The following PTPRM variants were observed in gnomAD, a reference collection of about 807,000 sequenced individuals.
PTPRM encodes receptor-type tyrosine-protein phosphatase mu.
PTPRM carries 47 observed loss-of-function variants against 186.7 expected under a neutral mutation model. The observed-to-expected ratio is 0.25, with a 90% CI of 0.20 to 0.32. PTPRM has a LOEUF of 0.32. Ranked by LOEUF, PTPRM falls within the 10% of genes least tolerant of loss-of-function variation. PTPRM has a pLI of 1.00. For synonymous variants in PTPRM, 668 were observed against 674.9 expected, an observed-to-expected ratio of 0.99 and a Z score of 0.16; for missense variants, 1,494 against 1,865.0, an observed-to-expected ratio of 0.80 and a Z score of 3.66.
chr18:7,737,875 G>A (rs887987250), intron 1 of PTPRM, among the ~76,000 whole-genome samples: 6 of 152,162 alleles, frequency 3.9e-5, no homozygotes, highest in Non-Finnish European at 7.3e-5. Flanking sequence ...CTGCTCATTG[G>A]CATATCCCAG....
chr18:8,385,772 G>A lies in PTPRM; in HGVS notation c.4044+1086G>A, dbSNP rs373963586. On this transcript the variant is annotated intron_variant, in intron 30 of 32. Transcript: ENST00000580170. The stretch of plus-strand genomic sequence containing the variant: ...GTTTTGAGTGCAAAAATCCAATGGT[G>A]TAATTTACATTTTAAAAGGAGCACT... Among the ~76,000 whole-genome samples, 39 of 152,346 alleles carry A rather than the reference G, an allele frequency of 2.6e-4. No individual in the cohort carries two copies. In the East Asian group the frequency reaches 3.7e-3, roughly 14 times the overall value.
chr18:7,763,199 C>T (rs2041859863), intron 1 of PTPRM, among the ~76,000 whole-genome samples: 1 of 152,180 alleles, frequency 6.6e-6, no homozygotes, highest in African/African-American at 2.4e-5. Context: ...GGATTTTGGA[C>T]ACACTTTAAT....
chr18:7,789,338 T>C (rs1342054960), intron 2 of PTPRM, among the ~76,000 whole-genome samples: 1 of 151,876 alleles, frequency 6.6e-6, no homozygotes, highest in Non-Finnish European at 1.5e-5. Context: ...ATGATGATGA[T>C]GATGATTATT....
chr18:8,217,023 T>TAGGGAA (rs1388137457), intron 14 of PTPRM, among the ~76,000 whole-genome samples: 10 of 152,250 alleles, frequency 6.6e-5, no homozygotes, highest in African/African-American at 2.4e-4. Context: ...TAGTCCATTT[T>TAGGGAA]GAAACCCTCT....
At chr18:7,677,587 G>T (rs556805853) in intron 1 of PTPRM, among the ~76,000 whole-genome samples, 1 of 152,230 alleles carries the variant, frequency 6.6e-6, no homozygotes, top group East Asian at 1.9e-4. Flanking sequence ...GGTACACGTG[G>T]CTGGGCAAAT....
intron 2 of PTPRM, among the ~76,000 whole-genome samples, chr18:7,884,952 G>GAGA (rs1555632270): frequency 9.8e-4 from 75 of 76,454 alleles, no homozygotes; most frequent in Non-Finnish European, 1.7e-3. Context: ...AAAAAAAAAA[G>GAGA]GAGAGAGAGA....
chr18:7,715,710 A>G (rs1568049012), intron 1 of PTPRM, among the ~76,000 whole-genome samples: 1 of 152,214 alleles, frequency 6.6e-6, no homozygotes, highest in South Asian at 2.1e-4. Context: ...CTATACACCA[A>G]TAATAGACCA....
At chr18:7,854,588 A>G (rs540879694) in intron 2 of PTPRM, among the ~76,000 whole-genome samples, 6 of 152,170 alleles carry the variant, frequency 3.9e-5, no homozygotes, top group Non-Finnish European at 7.3e-5. Context: ...CCCTAACCTT[A>G]AAATACTATT....
At chr18:7,940,462 A>G (rs545661298) in intron 5 of PTPRM, among the ~76,000 whole-genome samples, 4 of 152,326 alleles carry the variant, frequency 2.6e-5, no homozygotes, top group Admixed American at 1.3e-4. Flanking sequence ...GTTAGGCCTC[A>G]GTGAAGTATT....
chr18:7,946,312 G>C (rs2052520927), intron 5 of PTPRM, among the ~76,000 whole-genome samples: 1 of 152,192 alleles, frequency 6.6e-6, no homozygotes, highest in African/African-American at 2.4e-5. Flanking sequence ...TATTACAAAA[G>C]GATATTATTA....
intron 14 of PTPRM, among the ~76,000 whole-genome samples, chr18:8,182,536 C>T (rs910509859): frequency 6.6e-6 from 1 of 152,180 alleles, no homozygotes; most frequent in African/African-American, 2.4e-5. Flanking sequence ...AAGCTGACTT[C>T]CAAATCGGAA....
intron 7 of PTPRM, among the ~76,000 whole-genome samples, chr18:8,047,559 A>G (rs2087151322): frequency 1.3e-5 from 2 of 152,196 alleles, no homozygotes; most frequent in South Asian, 4.1e-4. Flanking sequence ...TTAGTAATAC[A>G]GTATATGTGT....
At chr18:7,573,999 G>A (rs1598436913) in intron 1 of PTPRM, among the ~76,000 whole-genome samples, 1 of 152,334 alleles carries the variant, frequency 6.6e-6, no homozygotes, top group Non-Finnish European at 1.5e-5. Context: ...CCCTGGGGAT[G>A]AGGCCCGGCA....
chr18:7,841,343 G>A lies in PTPRM; in HGVS notation c.197-46763G>A, dbSNP rs535013282. The stretch of plus-strand genomic sequence containing the variant: ...GTCTCGCTCTGTCACCCAGGCTAGA[G>A]TGCAGTGGCCTGATCTCAGCTTACT... On this transcript the variant is annotated intron_variant, in intron 2 of 32. Coordinates refer to ENST00000580170, the MANE Select transcript of PTPRM (RefSeq NM_001105244.2). Among the ~76,000 whole-genome samples the A allele has an allele frequency of 2.3e-5, 3 of 131,538 alleles. No individual in the cohort carries two copies. The South Asian group carries it at 7.4e-4, about 32-fold the overall frequency. 86.3% of individuals were successfully genotyped at this position (131,538 alleles called of 152,430 possible).
In PTPRM at chr18:7,853,126, G is replaced by A. The variant is rs141037515; in HGVS notation, c.197-34980G>A. On this transcript the variant is annotated intron_variant, in intron 2 of 32. Coordinates refer to ENST00000580170, the MANE Select transcript of PTPRM (RefSeq NM_001105244.2). The stretch of plus-strand genomic sequence containing the variant: ...TTTAGTGGTTTGACTTCAAAGAATA[G>A]AATGTTCTAAAGTCAGAAAGAACAG... Among the ~76,000 whole-genome samples the A allele has an allele frequency of 2.5e-3, 388 of 152,282 alleles. 2 individuals are homozygous for A. Among genetic ancestry groups the A allele is most frequent in the Middle Eastern group, 0.01 (3 of 294 alleles).
At chr18:8,014,809 A>G (rs1211885253) in intron 7 of PTPRM, among the ~76,000 whole-genome samples, 1 of 152,078 alleles carries the variant, frequency 6.6e-6, no homozygotes, top group African/African-American at 2.4e-5. Flanking sequence ...GTGATGAAAA[A>G]CCAGTGGGAT....
intron 19 of PTPRM, among the ~76,000 whole-genome samples, chr18:8,295,201 G>A (rs192775787): frequency 1.1e-4 from 16 of 152,264 alleles, no homozygotes; most frequent in Admixed American, 4.6e-4. Context: ...ATCTCGTGGC[G>A]TCTGCGAGCA....
chr18:7,955,761 C>T (rs2053268304), intron 7 of PTPRM, among the ~76,000 whole-genome samples: 1 of 152,144 alleles, frequency 6.6e-6, no homozygotes, highest in Non-Finnish European at 1.5e-5. Context: ...ACTTGGGCCC[C>T]TTTGTTTTAT....
chr18:8,388,739 A>G (rs2095793456), intron 31 of PTPRM, among the ~76,000 whole-genome samples: 1 of 152,168 alleles, frequency 6.6e-6, no homozygotes, highest in Non-Finnish European at 1.5e-5. Context: ...AGGCAGGTGG[A>G]TCACGAGGTC....
Sources: allele counts gnomAD v4.1 joint callset (sites outside exome capture counted in the v4.1 genomes callset), GRCh38; gene constraint gnomAD v4.1.1; transcripts MANE v1.5; gene names NCBI Gene and HGNC (gene_info 2026-07-23, HGNC 2026-07-21).